The following GABRB3 variants were observed in gnomAD, a reference collection of about 807,000 sequenced individuals.
GABRB3 encodes gamma-aminobutyric acid type A receptor subunit beta3.
Under a neutral mutation model 52.1 loss-of-function variants are expected in GABRB3, and 14 were observed. That is an observed-to-expected ratio of 0.27 (90% CI 0.18 to 0.42). GABRB3 has a LOEUF of 0.42. Among genes scored for constraint, GABRB3 ranks in the 10% least tolerant of loss-of-function variants. GABRB3 has a pLI of 1.00. For synonymous variants in GABRB3, 260 were observed against 232.3 expected (o/e 1.12, Z -1.08); for missense variants, 307 against 609.1 (o/e 0.50, Z 5.22).
At chr15:26,627,850 T>C (rs552325362) in intron 3 of GABRB3, among the ~76,000 whole-genome samples, 1 of 152,336 alleles carries the variant, frequency 6.6e-6, no homozygotes, top group South Asian at 2.1e-4. Context: ...GAGGACTGAC[T>C]TCAATTTTGG....
intron 3 of GABRB3, among the ~76,000 whole-genome samples, chr15:26,716,921 G>T (rs1889493128): frequency 7.2e-6 from 1 of 138,470 alleles, no homozygotes; most frequent in Non-Finnish European, 1.6e-5. Flanking sequence ...GCCTAGCTCT[G>T]GGGACCTCCA....
chr15:26,564,785 T>C (rs892054725), intron 7 of GABRB3, among the ~76,000 whole-genome samples: 2 of 152,232 alleles, frequency 1.3e-5, no homozygotes, highest in Admixed American at 6.5e-5. Flanking sequence ...GATTCCTCAA[T>C]AATAAGAGTT....
intron 4 of GABRB3, among the ~76,000 whole-genome samples, chr15:26,589,467 T>C (rs1260780182): frequency 1.3e-5 from 2 of 152,166 alleles, no homozygotes; most frequent in East Asian, 1.9e-4. Context: ...ATAGTTTTGA[T>C]TCACTGTAAA....
intron 3 of GABRB3, among the ~76,000 whole-genome samples, chr15:26,718,351 A>T (rs1157720233): frequency 6.6e-6 from 1 of 152,114 alleles, no homozygotes; most frequent in Non-Finnish European, 1.5e-5. Context: ...TTGGGATTAT[A>T]GGCATGCGCC....
intron 3 of GABRB3, among the ~76,000 whole-genome samples, chr15:26,700,851 C>T (rs936626525): frequency 7.2e-5 from 11 of 152,118 alleles, no homozygotes; most frequent in South Asian, 2.1e-4. Flanking sequence ...GTCAGGAGGT[C>T]GAGACCATCC....
rs1287280750 is a variant in GABRB3 at position 26,546,387 on chromosome 15, T to A, written c.*1406A>T. On this transcript the variant is annotated 3_prime_UTR_variant, in exon 9 of 9. Coordinates refer to ENST00000311550, the MANE Select transcript of GABRB3 (RefSeq NM_000814.6). ...AAACCGGTGCACCTTGTCTTGTTTC[T>A]ACGAGCTTTAAAAAGTCCAAATACT... The A allele has an allele frequency of 6.6e-6, 1 of 152,564 alleles. No individual in the cohort carries two copies. The highest frequency in any genetic ancestry group is 2.4e-5 in the African/African-American group (1 of 41,440). 9.5% of individuals were successfully genotyped at this position (152,564 alleles called of 1,614,324 possible).
At chr15:26,705,300 A>G in intron 3 of GABRB3, among the ~76,000 whole-genome samples, 1 of 152,226 alleles carries the variant, frequency 6.6e-6, no homozygotes, top group East Asian at 1.9e-4. Flanking sequence ...GATCTCATTC[A>G]CAGGGAAGAA....
chr15:26,707,827 G>A (rs1218285956), intron 3 of GABRB3, among the ~76,000 whole-genome samples: 10 of 152,166 alleles, frequency 6.6e-5, no homozygotes, highest in Non-Finnish European at 1.5e-5. Context: ...TGGGAAGACT[G>A]CAGAGGAGAG....
chr15:26,616,167 G>C (rs1439790180), intron 4 of GABRB3: 33 of 1,041,256 alleles, frequency 3.2e-5, no homozygotes, highest in Non-Finnish European at 3.9e-5. Flanking sequence ...ACACGGGAGG[G>C]AAGGTGGGCC....
intron 4 of GABRB3, among the ~76,000 whole-genome samples, chr15:26,604,847 T>C (rs1340794499): frequency 3.3e-5 from 5 of 152,018 alleles, no homozygotes; most frequent in Non-Finnish European, 2.9e-5. Flanking sequence ...CTCCAGGACA[T>C]TGGTCTGGGA....
At chr15:26,723,712 A>T (rs1248609588) in intron 3 of GABRB3, among the ~76,000 whole-genome samples, 3 of 152,214 alleles carry the variant, frequency 2.0e-5, no homozygotes, top group Admixed American at 6.5e-5. Context: ...GTCACCAGGA[A>T]CGTGAGGAAC....
At chr15:26,765,173 G>GCTCCACC (rs1467574411) in intron 3 of GABRB3, among the ~76,000 whole-genome samples, 5 of 147,680 alleles carry the variant, frequency 3.4e-5, no homozygotes, top group Admixed American at 3.4e-4. Flanking sequence ...ATATACGAAA[G>GCTCCACC]CTCCACCCTC....
In GABRB3 at chr15:26,546,831, T is replaced by C. The variant is rs778572183; in HGVS notation, c.*962A>G. ...AATGTTATAAGAATGATAACATAAC[T>C]GCAAGGGGGAAAATCATCCTAGATG... On this transcript the variant is annotated 3_prime_UTR_variant, in exon 9 of 9. Transcript: ENST00000311550. The C allele has an allele frequency of 3.3e-5, 5 of 151,870 alleles. No individual in the cohort carries two copies. The highest frequency in any genetic ancestry group is 7.4e-5 in the Non-Finnish European group (5 of 67,962). The allele number at this position is 151,870 out of a possible 1,614,324, so 9.4% of individuals were successfully genotyped here. A position where few individuals can be genotyped will look rare whatever the true frequency, so the allele number is the denominator to read the frequency against.
intron 3 of GABRB3, among the ~76,000 whole-genome samples, chr15:26,707,939 A>C (rs2140126257): frequency 6.6e-6 from 1 of 152,284 alleles, no homozygotes; most frequent in East Asian, 1.9e-4. Flanking sequence ...TGGATTTTAG[A>C]ATATCTGCAT....
At chr15:26,723,687 C>T (rs1889699788) in intron 3 of GABRB3, among the ~76,000 whole-genome samples, 1 of 151,952 alleles carries the variant, frequency 6.6e-6, no homozygotes, top group Non-Finnish European at 1.5e-5. Flanking sequence ...TGTTTCAACT[C>T]AGAAAATAAT....
intron 3 of GABRB3, among the ~76,000 whole-genome samples, chr15:26,682,492 G>A (rs984514002): frequency 3.3e-5 from 5 of 152,168 alleles, no homozygotes; most frequent in Non-Finnish European, 7.3e-5. Context: ...AGCCCGGCAC[G>A]GGACAGCCCC....
At chr15:26,614,844 C>T (rs1350056807) in intron 4 of GABRB3, 1 of 152,054 alleles carries the variant, frequency 6.6e-6, no homozygotes, top group Non-Finnish European at 1.5e-5. Flanking sequence ...CAATTTTTAG[C>T]CACAAGTGGG....
intron 3 of GABRB3, among the ~76,000 whole-genome samples, chr15:26,764,341 TC>T (rs34420125): frequency 3.3e-5 from 5 of 151,004 alleles, no homozygotes; most frequent in Admixed American, 1.3e-4. Context: ...AGAATTCATA[TC>T]CTCTTTTAAA....
At chr15:26,682,175 G>A (rs1199250690) in intron 3 of GABRB3, among the ~76,000 whole-genome samples, 22 of 152,056 alleles carry the variant, frequency 1.4e-4, no homozygotes, top group Non-Finnish European at 1.8e-4. Flanking sequence ...TGCCGCGAAG[G>A]CAGTGGTGAC....
Sources: allele counts gnomAD v4.1 joint callset (sites outside exome capture counted in the v4.1 genomes callset), GRCh38; gene constraint gnomAD v4.1.1; transcripts MANE v1.5; gene names NCBI Gene and HGNC (gene_info 2026-07-23, HGNC 2026-07-21).